Variants in NCOA7 observed in about 807,000 individuals in gnomAD.
NCOA7 encodes the protein nuclear receptor coactivator 7.
NCOA7 carries 45 observed loss-of-function variants against 104.3 expected under a neutral mutation model. That is an observed-to-expected ratio of 0.43 (90% CI 0.34 to 0.55). The LOEUF is 0.55. NCOA7 is among the 20% of genes least tolerant of loss of function. The probability of loss-of-function intolerance (pLI) is 0.02; values close to 1 mark genes in which losing one functional copy is unlikely to be tolerated. For missense variants in NCOA7, 1,041 were observed against 1,119.7 expected (o/e 0.93, Z 1.00); for synonymous variants, 398 against 402.3 (o/e 0.99, Z 0.13).
At chr6:125,867,909 G>A (rs978400550) in intron 3 of NCOA7, among the ~76,000 whole-genome samples, 3 of 152,140 alleles carry the variant, frequency 2.0e-5, no homozygotes, top group Non-Finnish European at 2.9e-5. Context: ...TGGGGGTGGG[G>A]CCTCACCAGT....
chr6:125,888,106 G>GAACAAATAAC (rs1784383230), intron 8 of NCOA7, among the ~76,000 whole-genome samples: 1 of 152,058 alleles, frequency 6.6e-6, no homozygotes, highest in Non-Finnish European at 1.5e-5. Context: ...TCCGATCTGG[G>GAACAAATAAC]AAGTAAAGCA....
intron 2 of NCOA7, among the ~76,000 whole-genome samples, chr6:125,833,102 G>T (rs1035217211): frequency 1.3e-5 from 2 of 152,084 alleles, no homozygotes; most frequent in South Asian, 2.1e-4. Flanking sequence ...TTGTGTTGCC[G>T]CAGAGTGAAA....
intron 10 of NCOA7, among the ~76,000 whole-genome samples, chr6:125,893,753 T>C (rs1442569902): frequency 6.6e-6 from 1 of 152,240 alleles, no homozygotes; most frequent in Non-Finnish European, 1.5e-5. Flanking sequence ...AGTTAAAAAC[T>C]GCCTAAATAC....
chr6:125,881,626 G>A (rs1258569971), intron 6 of NCOA7, among the ~76,000 whole-genome samples: 2 of 142,100 alleles, frequency 1.4e-5, no homozygotes, highest in East Asian at 4.1e-4. Context: ...AGCCATGATC[G>A]TACCACTGCA....
chr6:125,908,925 A>T (rs188926138), intron 10 of NCOA7, among the ~76,000 whole-genome samples: 6 of 152,324 alleles, frequency 3.9e-5, no homozygotes, highest in Admixed American at 3.9e-4. Context: ...TTAACTCCAA[A>T]TCTGTGATTG....
intron 11 of NCOA7, among the ~76,000 whole-genome samples, chr6:125,915,747 C>T (rs1376082023): frequency 2.0e-5 from 3 of 151,582 alleles, no homozygotes; most frequent in South Asian, 2.1e-4. Flanking sequence ...GTTCAGAGCT[C>T]AGCAAATTTT....
intron 5 of NCOA7, 28 bp downstream of exon 5, chr6:125,878,398 C>G (rs1783555710): frequency 6.7e-7 from 1 of 1,499,580 alleles, no homozygotes; most frequent in East Asian, 2.3e-5. Context: ...GGATATAACT[C>G]TAGAAATTCT....
chr6:125,796,318 CCTT>C (rs1775324246), intron 1 of NCOA7, among the ~76,000 whole-genome samples: 1 of 144,102 alleles, frequency 6.9e-6, no homozygotes, highest in Non-Finnish European at 1.5e-5. Flanking sequence ...AATCATTCAT[CCTT>C]CTTCTCTCCC....
intron 10 of NCOA7, among the ~76,000 whole-genome samples, chr6:125,912,525 T>C (rs536414725): frequency 6.6e-6 from 1 of 152,180 alleles, no homozygotes; most frequent in South Asian, 2.1e-4. Flanking sequence ...ATGGAGGCTG[T>C]GAAGGCCCTG....
At chr6:125,824,736 T>C (rs1417169832) in intron 2 of NCOA7, among the ~76,000 whole-genome samples, 1 of 152,108 alleles carries the variant, frequency 6.6e-6, no homozygotes, top group Non-Finnish European at 1.5e-5. Context: ...TGATTTAAAC[T>C]GTCTCCTCTC....
At chr6:125,829,355 A>G (rs762057738) in intron 2 of NCOA7, among the ~76,000 whole-genome samples, 11 of 152,350 alleles carry the variant, frequency 7.2e-5, no homozygotes, top group Non-Finnish European at 5.9e-5. Context: ...ATTAATAGGA[A>G]TTTTTAAAAT....
chr6:125,883,873 C>T (rs1784052948), intron 7 of NCOA7, among the ~76,000 whole-genome samples: 1 of 152,086 alleles, frequency 6.6e-6, no homozygotes, highest in South Asian at 2.1e-4. Flanking sequence ...GTGTGTACCA[C>T]CTCATCCGGC....
At chr6:125,792,931 T>C (rs1774992809) in intron 1 of NCOA7, among the ~76,000 whole-genome samples, 1 of 152,240 alleles carries the variant, frequency 6.6e-6, no homozygotes, top group Admixed American at 6.5e-5. Flanking sequence ...AACAATATTA[T>C]CTGGGCATGC....
In NCOA7 at chr6:125,834,931, G is replaced by T. The variant is rs148239102; in HGVS notation, c.50+19527G>T. ...TATAGTGTCTGGTGTGGCATTATTA[G>T]ATTAATTTATAGCTGCTTGTGGCAA... On this transcript the variant is annotated intron_variant, in intron 2 of 15. Transcript: ENST00000392477. 5.3e-4 allele frequency among the ~76,000 whole-genome samples: 80 copies of T among 152,318 alleles called. 1 individual carries two copies. Among genetic ancestry groups the T allele is most frequent in the African/African-American group, 1.9e-3 (77 of 41,568 alleles).
chr6:125,808,164 C>G (rs1042745586), intron 1 of NCOA7, among the ~76,000 whole-genome samples: 16 of 152,314 alleles, frequency 1.1e-4, no homozygotes, highest in African/African-American at 3.1e-4. Context: ...TCCCCGAACA[C>G]CACACATTCC....
rs143161149 is a variant in NCOA7, at chr6:125,820,877, G to T, written c.50+5473G>T. Among the ~76,000 whole-genome samples, 240 of 152,250 alleles carry T rather than the reference G, an allele frequency of 1.6e-3. 1 individual carries two copies. Among genetic ancestry groups the T allele is most frequent in the African/African-American group, 5.3e-3 (221 of 41,520 alleles). The stretch of plus-strand genomic sequence containing the variant: ...TTAGGTTCTGGGATATAATGAAGTG[G>T]AGTTATATAGTCAAAGGGCCTTGAG... On this transcript the variant is annotated intron_variant, in intron 2 of 15. Coordinates refer to ENST00000392477, the MANE Select transcript of NCOA7 (RefSeq NM_181782.5).
At chr6:125,922,339 A>G (rs1207054024) in intron 12 of NCOA7, among the ~76,000 whole-genome samples, 1 of 152,142 alleles carries the variant, frequency 6.6e-6, no homozygotes, top group African/African-American at 2.4e-5. Flanking sequence ...GAAAATATGA[A>G]CTGTTTGGTA....
chr6:125,843,266 G>T (rs1485869495), intron 2 of NCOA7, among the ~76,000 whole-genome samples: 1 of 152,148 alleles, frequency 6.6e-6, no homozygotes, highest in Non-Finnish European at 1.5e-5. Context: ...GGAGGAAGGG[G>T]CTACCAGTAA....
intron 1 of NCOA7, among the ~76,000 whole-genome samples, chr6:125,807,792 A>C (rs1388435665): frequency 1.3e-5 from 2 of 152,164 alleles, no homozygotes; most frequent in African/African-American, 4.8e-5. Flanking sequence ...TTAAGCTATT[A>C]ATCTTCTCCC....
Sources: allele counts gnomAD v4.1 joint callset (sites outside exome capture counted in the v4.1 genomes callset), GRCh38; gene constraint gnomAD v4.1.1; transcripts MANE v1.5; gene names NCBI Gene and HGNC (gene_info 2026-07-23, HGNC 2026-07-21).